LRMDA: variants seen among roughly 807,000 people sequenced by gnomAD.
LRMDA encodes leucine rich melanocyte differentiation associated.
LRMDA carries 18 observed loss-of-function variants against 29.8 expected under a neutral mutation model. That is an observed-to-expected ratio of 0.60 (90% CI 0.42 to 0.90). The LOEUF (loss-of-function observed/expected upper bound fraction) is 0.90. Ranked by LOEUF, LRMDA falls within the 40% of genes least tolerant of loss-of-function variation. LRMDA has a pLI of 0.00. For synonymous variants in LRMDA, 125 were observed against 109.4 expected, an observed-to-expected ratio of 1.14 and a Z score of -0.89; for missense variants, 273 against 273.9, an observed-to-expected ratio of 1.00 and a Z score of 0.02.
intron 6 of LRMDA, among the ~76,000 whole-genome samples, chr10:76,379,903 T>C (rs1841568905): frequency 6.6e-6 from 1 of 152,240 alleles, no homozygotes; most frequent in Non-Finnish European, 1.5e-5. Context: ...TTTTGGTTTG[T>C]TGTGTCACTG....
At chr10:76,234,456 G>T (rs908758012) in intron 5 of LRMDA, among the ~76,000 whole-genome samples, 1 of 152,126 alleles carries the variant, frequency 6.6e-6, no homozygotes, top group African/African-American at 2.4e-5. Context: ...ACTTAAAGTC[G>T]CCAGATACAT....
intron 6 of LRMDA, among the ~76,000 whole-genome samples, chr10:76,502,079 G>A (rs1234030094): frequency 6.6e-6 from 1 of 151,868 alleles, no homozygotes; most frequent in Non-Finnish European, 1.5e-5. Context: ...TCTGTATATG[G>A]CTAGCCAGTT....
chr10:76,179,647 T>C (rs1354049444), intron 5 of LRMDA, among the ~76,000 whole-genome samples: 1 of 152,198 alleles, frequency 6.6e-6, no homozygotes, highest in Non-Finnish European at 1.5e-5. Flanking sequence ...GGAGATTTAT[T>C]CTTTGTAATT....
chr10:76,091,785 A>C (rs1196854316), intron 5 of LRMDA, among the ~76,000 whole-genome samples: 1 of 152,170 alleles, frequency 6.6e-6, no homozygotes, highest in Non-Finnish European at 1.5e-5. Context: ...TCCTGGGCTC[A>C]GTTGATCCTC....
intron 6 of LRMDA, among the ~76,000 whole-genome samples, chr10:76,452,149 A>G (rs1178242433): frequency 6.6e-6 from 1 of 152,152 alleles, no homozygotes; most frequent in Non-Finnish European, 1.5e-5. Context: ...ACATGCTTTA[A>G]GTCAACTAGA....
chr10:76,028,224 C>T (rs1848092949), intron 2 of LRMDA, among the ~76,000 whole-genome samples: 1 of 152,034 alleles, frequency 6.6e-6, no homozygotes, highest in African/African-American at 2.4e-5. Flanking sequence ...CCTAATAAAG[C>T]TGAAAATTTC....
intron 2 of LRMDA, among the ~76,000 whole-genome samples, chr10:75,908,636 C>T (rs923698152): frequency 3.3e-5 from 5 of 152,176 alleles, no homozygotes; most frequent in Non-Finnish European, 7.3e-5. Flanking sequence ...AAAGAGATGG[C>T]TGGCTAGCTC....
chr10:76,433,606 T>G (rs1448896185), intron 6 of LRMDA: 2 of 152,208 alleles, frequency 1.3e-5, no homozygotes, highest in African/African-American at 4.8e-5. Flanking sequence ...AGACTCTGGT[T>G]ATCTGGTAAT....
intron 2 of LRMDA, among the ~76,000 whole-genome samples, chr10:75,856,764 A>G (rs1396814161): frequency 1.3e-5 from 2 of 152,218 alleles, no homozygotes; most frequent in Non-Finnish European, 2.9e-5. Flanking sequence ...CCCCTTGAAA[A>G]CTGGCACAAG....
chr10:76,321,994 T>C (rs1840777510), intron 5 of LRMDA, among the ~76,000 whole-genome samples: 4 of 152,186 alleles, frequency 2.6e-5, no homozygotes, highest in African/African-American at 9.6e-5. Flanking sequence ...TAAGAGTCTT[T>C]ATAGTCTTGA....
chr10:75,553,313 T>G (rs1336903639), intron 2 of LRMDA, among the ~76,000 whole-genome samples: 2 of 152,224 alleles, frequency 1.3e-5, no homozygotes, highest in African/African-American at 4.8e-5. Flanking sequence ...GCTGCTACCT[T>G]TGCTTAGTGG....
intron 6 of LRMDA, among the ~76,000 whole-genome samples, chr10:76,456,347 C>T (rs1237398003): frequency 6.6e-6 from 1 of 152,244 alleles, no homozygotes; most frequent in East Asian, 1.9e-4. Flanking sequence ...TGTTCAATGT[C>T]TGCCAAGTTC....
chr10:75,484,783 T>C (rs1342200038), intron 2 of LRMDA, among the ~76,000 whole-genome samples: 1 of 152,086 alleles, frequency 6.6e-6, no homozygotes, highest in Non-Finnish European at 1.5e-5. Flanking sequence ...AAGGTGGCCG[T>C]CTACAATCCA....
intron 6 of LRMDA, among the ~76,000 whole-genome samples, chr10:76,530,142 G>T (rs1406659530): frequency 1.3e-5 from 2 of 152,126 alleles, no homozygotes; most frequent in Non-Finnish European, 2.9e-5. Context: ...GCCATTTAAA[G>T]GTCCCAGGAG....
intron 6 of LRMDA, among the ~76,000 whole-genome samples, chr10:76,399,993 A>T (rs887184745): frequency 6.6e-6 from 1 of 152,096 alleles, no homozygotes. Flanking sequence ...TCCTCCCCTT[A>T]TGTGTGGATG....
At chr10:76,013,582 A>G (rs1297526864) in intron 2 of LRMDA, among the ~76,000 whole-genome samples, 1 of 152,172 alleles carries the variant, frequency 6.6e-6, no homozygotes, top group Non-Finnish European at 1.5e-5. Context: ...TACCTGGGGC[A>G]ACAGGTAAAA....
intron 2 of LRMDA, among the ~76,000 whole-genome samples, chr10:75,869,993 C>T (rs796348154): frequency 2.4e-4 from 37 of 152,302 alleles, no homozygotes; most frequent in African/African-American, 8.7e-4. Flanking sequence ...CCTCTTGCTG[C>T]TTCGTTTATA....
At chr10:75,510,669 C>T (rs962813290) in intron 2 of LRMDA, among the ~76,000 whole-genome samples, 23 of 152,106 alleles carry the variant, frequency 1.5e-4, no homozygotes, top group Non-Finnish European at 2.1e-4. Context: ...GCTCTCTTGG[C>T]CAGTTGAATG....
intron 2 of LRMDA, among the ~76,000 whole-genome samples, chr10:75,886,534 A>G (rs1283454310): frequency 1.3e-5 from 2 of 152,178 alleles, no homozygotes; most frequent in Non-Finnish European, 2.9e-5. Context: ...CTGACTCATC[A>G]TAATCACATA....
Sources: allele counts gnomAD v4.1 joint callset (sites outside exome capture counted in the v4.1 genomes callset), GRCh38; gene constraint gnomAD v4.1.1; transcripts MANE v1.5; gene names NCBI Gene and HGNC (gene_info 2026-07-23, HGNC 2026-07-21).